Variants in FRMD8 observed in about 807,000 individuals in gnomAD.
The protein encoded by FRMD8 is FERM domain containing 8.
FRMD8 carries 37 observed loss-of-function variants against 54.2 expected under a neutral mutation model. The observed-to-expected ratio is 0.68, with a 90% CI of 0.53 to 0.90. The LOEUF (loss-of-function observed/expected upper bound fraction) is 0.90. FRMD8 is among the 40% of genes least tolerant of loss of function. The pLI, the probability that FRMD8 is intolerant of heterozygous loss-of-function variation, is 0.00. For missense variants in FRMD8, 585 were observed against 653.7 expected (o/e 0.89, Z 1.15); for synonymous variants, 246 against 286.9 (o/e 0.86, Z 1.44).
Position 65,399,876 on chromosome 11 carries a change from C to G in FRMD8, c.927+17C>G, listed in dbSNP as rs1012256266. On this transcript the variant is annotated intron_variant, in intron 8 of 10. Transcript: ENST00000317568. ...AGAGAGAAGGTACTGCCCCCAGCTC[C>G]TCCAGGGTGGAGAGGATGGGAGGGG... The G allele has an allele frequency of 1.2e-5, 19 of 1,606,674 alleles. No homozygotes were observed. Among genetic ancestry groups the G allele is most frequent in the Admixed American group, 1.7e-5 (1 of 59,394 alleles).
chr11:65,387,890 G>C (rs1040973435), intron 2 of FRMD8, among the ~76,000 whole-genome samples: 1 of 152,078 alleles, frequency 6.6e-6, no homozygotes, highest in East Asian at 1.9e-4. Context: ...CAGGCTGGGC[G>C]TAGTAGCTCA....
rs970414350 is a variant in FRMD8 at position 65,412,130 on chromosome 11, G to C, written c.*770G>C. ...CCTTTGGTGATGTCACTGCTGGGAGGTGGCTATCCTGTGGACCACCTGGCC... is the reference window on the plus strand; with the variant it reads ...CCTTTGGTGATGTCACTGCTGGGAGCTGGCTATCCTGTGGACCACCTGGCC... On this transcript the variant is annotated 3_prime_UTR_variant, in exon 11 of 11. Transcript: ENST00000317568. The C allele has an allele frequency of 3.3e-5, 5 of 152,216 alleles. No individual in the cohort carries two copies. The highest frequency in any genetic ancestry group is 1.2e-4 in the African/African-American group (5 of 41,438). 9.4% of individuals were successfully genotyped at this position (152,216 alleles called of 1,614,324 possible). A position where few individuals can be genotyped will look rare whatever the true frequency, so the allele number is the denominator to read the frequency against.
the FRMD8 span, among the ~76,000 whole-genome samples, chr11:65,372,005 G>A: frequency 4.6e-5 from 7 of 151,280 alleles, no homozygotes; most frequent in East Asian, 1.2e-3. Flanking sequence ...TCCACCACCT[G>A]GGTTCAAGAG....
At chr11:65,379,334 A>G in the FRMD8 span, 7 of 1,597,066 alleles carry the variant, frequency 4.4e-6, no homozygotes, top group South Asian at 6.6e-5. Flanking sequence ...CGAGATGACC[A>G]TCCCTATGAC....
chr11:65,404,515 C>T lies in FRMD8; in HGVS notation c.1072-349C>T, dbSNP rs1260341955. On this transcript the variant is annotated intron_variant, in intron 9 of 10. Coordinates refer to ENST00000317568, the MANE Select transcript of FRMD8 (RefSeq NM_031904.5). This position sits in a 1 kb window ranked among gnomAD's most constrained non-coding sequence, Gnocchi z 4.7. The stretch of plus-strand genomic sequence containing the variant: ...TCCCAGCCAGCACCACCCGCCTCCC[C>T]GCCCCGCTTCCCCACTCTTCGTCCT... Among the ~76,000 whole-genome samples, 2 of 151,898 alleles carry T rather than the reference C, an allele frequency of 1.3e-5. No individual in the cohort carries two copies. The highest frequency in any genetic ancestry group is 2.9e-5 in the Non-Finnish European group (2 of 67,960).
At chr11:65,402,631 C>A (rs1401929892) in intron 9 of FRMD8, among the ~76,000 whole-genome samples, 4 of 152,054 alleles carry the variant, frequency 2.6e-5, no homozygotes, top group Non-Finnish European at 5.9e-5. Context: ...TATCCACCCC[C>A]CAAAAAAAGG....
the FRMD8 span, among the ~76,000 whole-genome samples, chr11:65,370,971 G>A: frequency 6.6e-6 from 1 of 152,298 alleles, no homozygotes; most frequent in African/African-American, 2.4e-5. Context: ...GCATGGCGGG[G>A]GTGAAGAGGG....
At position 65,408,401 on chromosome 11, in the gene FRMD8, G is replaced by A. The variant is rs1218559173; in HGVS notation, c.1277-2841G>A. 2.6e-5 allele frequency among the ~76,000 whole-genome samples: 4 copies of A among 151,906 alleles called. No individual in the cohort carries two copies. In the East Asian group the frequency reaches 7.8e-4, roughly 30 times the overall value. ...AGAATAAGTTTTATAATCAGAAAAA[G>A]CAAACTTTTTCTACAATGTAATTTG... is the stretch of plus-strand genomic sequence containing the variant. On this transcript the variant is annotated intron_variant, in intron 10 of 10. Transcript: ENST00000317568.
intron 7 of FRMD8, 135 bp downstream of exon 7, chr11:65,397,155 C>T: frequency 2.0e-6 from 1 of 501,360 alleles, no homozygotes; most frequent in East Asian, 3.5e-5. Context: ...TCACGAGCAC[C>T]TCAGGCCCCA....
At chr11:65,401,967 T>G (rs1290851120) in intron 9 of FRMD8, among the ~76,000 whole-genome samples, 1 of 151,928 alleles carries the variant, frequency 6.6e-6, no homozygotes, top group Non-Finnish European at 1.5e-5. Flanking sequence ...CATCCCAAAG[T>G]CAATATTTTA....
Position 65,411,631 on chromosome 11 carries a change from T to C in FRMD8, c.*271T>C. On this transcript the variant is annotated 3_prime_UTR_variant, in exon 11 of 11. Coordinates refer to ENST00000317568, the MANE Select transcript of FRMD8 (RefSeq NM_031904.5). ...CTGCTGCTCTCTCAGGACCATCCGA[T>C]CAAGCTGCAGCTGCCACCCTCACCT... 2.9e-6 allele frequency: 1 copy of C among 344,138 alleles called. No individual in the cohort carries two copies. Among genetic ancestry groups the C allele is most frequent in the Non-Finnish European group, 5.3e-6 (1 of 188,716 alleles). The allele number at this position is 344,138 out of a possible 1,614,324, so 21.3% of individuals were successfully genotyped here.
the FRMD8 span, chr11:65,376,772 G>A: frequency 6.2e-7 from 1 of 1,614,136 alleles, no homozygotes; most frequent in Non-Finnish European, 8.5e-7. Flanking sequence ...GACCCTGCCT[G>A]CTACCCACAC....
At chr11:65,406,766 C>A (rs1856208140) in intron 10 of FRMD8, among the ~76,000 whole-genome samples, 1 of 151,954 alleles carries the variant, frequency 6.6e-6, no homozygotes, top group Admixed American at 6.6e-5. Flanking sequence ...ATGGAGAAAA[C>A]TCTTCTCTAC....
chr11:65,374,830 G>A, the FRMD8 span, among the ~76,000 whole-genome samples: 4 of 152,018 alleles, frequency 2.6e-5, no homozygotes, highest in East Asian at 1.9e-4. Context: ...AGCCAGGTGC[G>A]GTGGCACACA....
chr11:65,380,602 C>A, the FRMD8 span: 1 of 1,294,140 alleles, frequency 7.7e-7, no homozygotes, highest in South Asian at 1.2e-5. Flanking sequence ...GCAGGCCCTG[C>A]TGCCAGCTGG....
At chr11:65,371,821 A>G in the FRMD8 span, among the ~76,000 whole-genome samples, 15 of 151,902 alleles carry the variant, frequency 9.9e-5, no homozygotes, top group Admixed American at 2.6e-4. Context: ...TCACTGTGTT[A>G]GCCAGGATGG....
intron 6 of FRMD8, among the ~76,000 whole-genome samples, chr11:65,395,882 C>T (rs1463576651): frequency 6.6e-6 from 1 of 152,246 alleles, no homozygotes; most frequent in Non-Finnish European, 1.5e-5. Flanking sequence ...TGATTCTAGG[C>T]AGGTGGGGGC....
chr11:65,399,199 C>T (rs1856017682), intron 7 of FRMD8, among the ~76,000 whole-genome samples: 1 of 152,016 alleles, frequency 6.6e-6, no homozygotes, highest in Non-Finnish European at 1.5e-5. Context: ...TGGGGTTTCA[C>T]CCTGTTAGCC....
intron 10 of FRMD8, among the ~76,000 whole-genome samples, chr11:65,408,504 T>G (rs2137944213): frequency 6.6e-6 from 1 of 151,992 alleles, no homozygotes; most frequent in South Asian, 2.1e-4. Flanking sequence ...GCATTACAGT[T>G]TTCAGCGTTC....
Sources: gnomAD v4.1 joint callset for allele counts (sites outside exome capture counted in the v4.1 genomes callset) on GRCh38, gnomAD v4.1.1 for gene constraint, Gnocchi (gnomAD v3.1) non-coding constraint, MANE v1.5 for transcripts, NCBI Gene and HGNC (gene_info 2026-07-23, HGNC 2026-07-21) for gene names.